Variants in KHDC4 observed in about 807,000 individuals in gnomAD.
KHDC4 encodes the protein KH homology domain-containing protein 4.
Under a neutral mutation model 74.5 loss-of-function variants are expected in KHDC4, and 19 were observed. The observed-to-expected ratio is 0.26, with a 90% confidence interval of 0.18 to 0.37. The LOEUF (loss-of-function observed/expected upper bound fraction) is 0.37. KHDC4 is among the 10% of genes least tolerant of loss of function. KHDC4 has a pLI of 1.00. For synonymous variants in KHDC4, 253 were observed against 266.1 expected (o/e 0.95, Z 0.48); for missense variants, 632 against 754.1 (o/e 0.84, Z 1.90).
At chr1:155,921,957 G>GGCTGTCCC in intron 8 of KHDC4, 39 bp from the exon 9 acceptor site, 1 of 1,341,936 alleles carries the variant, frequency 7.5e-7, no homozygotes, top group Non-Finnish European at 1.1e-6. Flanking sequence ...TGGGACAGCC[G>GGCTGTCCC]AAGCTGTGCA....
Position 155,920,910 on chromosome 1 carries a change from T to C in KHDC4, c.1266+465A>G, listed in dbSNP as rs143662288. Among the ~76,000 whole-genome samples the C allele has an allele frequency of 4.5e-3, 686 of 152,276 alleles. 8 individuals carry two copies. The highest frequency in any genetic ancestry group is 0.015 in the African/African-American group (642 of 41,540). On this transcript the variant is annotated intron_variant, in intron 10 of 13. Transcript: ENST00000368321. ...CTTTGTTAACACTGCAAAGGTAAGG[T>C]TAGGCAAACAATGGCCAAGGGTATG...
At chr1:155,922,145 CTTTTTTTTT>C in intron 8 of KHDC4, 2 of 186,444 alleles carry the variant, frequency 1.1e-5, no homozygotes, top group Non-Finnish European at 2.0e-5. Context: ...CACTGCAAAT[CTTTTTTTTT>C]TTTTTTTTTT....
At chr1:155,927,919 A>C (rs1408500417) in intron 4 of KHDC4, among the ~76,000 whole-genome samples, 1 of 151,070 alleles carries the variant, frequency 6.6e-6, no homozygotes, top group African/African-American at 2.4e-5. Context: ...GAAACCTCTT[A>C]AGGTCTACAT....
chr1:155,926,621 C>A, intron 6 of KHDC4, 55 bp downstream of exon 6: 1 of 1,569,186 alleles, frequency 6.4e-7, no homozygotes, highest in Non-Finnish European at 8.8e-7. Flanking sequence ...CTGGCCAGCA[C>A]ATATCATTTT....
chr1:155,917,549 A>G lies in KHDC4; in HGVS notation c.1390T>C (p.Phe464Leu), dbSNP rs1673757836. The G allele has an allele frequency of 7.0e-7, 1 of 1,431,786 alleles. No homozygotes were observed. Among genetic ancestry groups the G allele is most frequent in the Admixed American group, 1.9e-5 (1 of 52,528 alleles). The allele number at this position is 1,431,786 out of a possible 1,614,324, so 88.7% of individuals were successfully genotyped here. Residue 464 changes from phenylalanine to leucine, a missense_variant, in exon 11 of 14, where the codon TTC becomes CTC. Physicochemically the swap from Phe to Leu is conservative, Grantham distance 22. This residue lies in a region of KHDC4 where 254 missense variants were observed against 267.4 expected (regional missense o/e 0.95). Transcript: ENST00000368321. Reference protein sequence around the residue: ...PSQPQAQKRRFTEELPDERES... With the variant: ...PSQPQAQKRRLTEELPDERES... The stretch of plus-strand genomic sequence containing the variant: ...CGTTCATCTGGTAGCTCCTCTGTGA[A>G]TCGTCTCTTCTGTGCCTGGGGCTGA...
chr1:155,933,854 A>T lies in KHDC4; in HGVS notation c.39-5T>A. On this transcript the variant is annotated splice_polypyrimidine_tract_variant and splice_region_variant and intron_variant, in intron 1 of 13. Coordinates refer to ENST00000368321, the MANE Select transcript of KHDC4 (RefSeq NM_014949.4). The stretch of plus-strand genomic sequence containing the variant: ...TGGTCCCATTTGCTGCGGCGCCTAC[A>T]TGGAGAAAAAGGAAAACATTAGGCC... The T allele has an allele frequency of 6.6e-7, 1 of 1,526,248 alleles. No homozygotes were observed. The allele number at this position is 1,526,248 out of a possible 1,614,324, so 94.5% of individuals were successfully genotyped here. A position where few individuals can be genotyped will look rare whatever the true frequency, so the allele number is the denominator to read the frequency against.
At chr1:155,928,335 T>C (rs1316755382) in intron 4 of KHDC4, among the ~76,000 whole-genome samples, 2 of 151,426 alleles carry the variant, frequency 1.3e-5, no homozygotes, top group East Asian at 2.0e-4. Context: ...GATGGCGCCA[T>C]TGCACTCCAG....
At chr1:155,933,482 C>T in intron 2 of KHDC4, 151 bp downstream of exon 2, 1 of 542,570 alleles carries the variant, frequency 1.8e-6, no homozygotes, top group Non-Finnish European at 3.2e-6. Context: ...GACGGGGTTT[C>T]ACCATGTTGG....
chr1:155,927,537 G>A (rs1294503429), intron 4 of KHDC4, among the ~76,000 whole-genome samples: 1 of 152,038 alleles, frequency 6.6e-6, no homozygotes, highest in Non-Finnish European at 1.5e-5. Context: ...GGGTGCTGTG[G>A]CTCATGTCTG....
intron 10 of KHDC4, 109 bp from the exon 11 acceptor site, chr1:155,917,781 G>A (rs977454443): frequency 1.1e-6 from 1 of 912,120 alleles, no homozygotes; most frequent in Non-Finnish European, 1.6e-6. Flanking sequence ...TATGAATTTT[G>A]CATCTTCAGG....
At position 155,916,108 on chromosome 1, in the gene KHDC4, G is replaced by A. The variant is rs148754149; in HGVS notation, c.1554-144C>T. On this transcript the variant is annotated intron_variant, in intron 12 of 13. Coordinates refer to ENST00000368321, the MANE Select transcript of KHDC4 (RefSeq NM_014949.4). ...TTTCAACCCCTTCCACCTTCCCCCA[G>A]CCCCTTTATAAAAGTATAAGGCCTG... 5.2e-4 allele frequency: 316 copies of A among 605,276 alleles called. 2 individuals carry two copies. The highest frequency in any genetic ancestry group is 3.8e-3 in the African/African-American group (194 of 51,532). The allele number at this position is 605,276 out of a possible 1,614,324, so 37.5% of individuals were successfully genotyped here.
Position 155,916,679 on chromosome 1 carries a change from T to C in KHDC4, c.1499A>G (p.Glu500Gly). 1 of 1,614,028 alleles carries C rather than the reference T, an allele frequency of 6.2e-7. No individual in the cohort carries two copies. The highest frequency in any genetic ancestry group is 8.5e-7 in the Non-Finnish European group (1 of 1,180,010). ...GTGFSSQNEI[E>G]GAGSKPASSS... ...ACTTGCTGGCTTCGATCCTGCACCTTCAATCTCATTCTGACTGGAGAAGCC... is the reference window on the plus strand; with the variant it reads ...ACTTGCTGGCTTCGATCCTGCACCTCCAATCTCATTCTGACTGGAGAAGCC... Residue 500 changes from glutamate (E) to glycine (G), a missense_variant, in exon 12 of 14, where the codon GAA (glutamate) becomes GGA (glycine). Around this residue, in one of 4 missense-constraint regions of KHDC4, gnomAD observed 254 missense variants for 267.4 expected, o/e 0.95. Coordinates refer to ENST00000368321, the MANE Select transcript of KHDC4 (RefSeq NM_014949.4).
intron 7 of KHDC4, among the ~76,000 whole-genome samples, chr1:155,925,318 AC>A (rs1673965366): frequency 6.6e-6 from 1 of 151,972 alleles, no homozygotes; most frequent in Non-Finnish European, 1.5e-5. Flanking sequence ...GGTGTGAGCC[AC>A]CGTGCCCGCC....
At chr1:155,931,977 C>T (rs1016211668) in intron 2 of KHDC4, among the ~76,000 whole-genome samples, 3 of 152,130 alleles carry the variant, frequency 2.0e-5, no homozygotes, top group Non-Finnish European at 4.4e-5. Context: ...AATATGGTAG[C>T]CATTAGCCAC....
In KHDC4 at chr1:155,921,357, C is replaced by T; in HGVS notation, c.1266+18G>A. The stretch of plus-strand genomic sequence containing the variant: ...TCCTAAATTCAGTAATATGTTGTTG[C>T]ATATCCTGACATCCTACCTGTCCAG... On this transcript the variant is annotated intron_variant, in intron 10 of 13. Coordinates refer to ENST00000368321, the MANE Select transcript of KHDC4 (RefSeq NM_014949.4). 3 of 1,612,112 alleles carry T rather than the reference C, an allele frequency of 1.9e-6. No homozygotes were observed. The highest frequency in any genetic ancestry group is 2.5e-6 in the Non-Finnish European group (3 of 1,178,328).
intron 7 of KHDC4, among the ~76,000 whole-genome samples, chr1:155,924,149 C>G (rs1673930733): frequency 6.6e-6 from 1 of 152,082 alleles, no homozygotes; most frequent in Non-Finnish European, 1.5e-5. Flanking sequence ...AACCCCATCT[C>G]TACTAAAAAT....
Position 155,926,730 on chromosome 1 carries a change from T to C in KHDC4, c.627A>G (p.Ala209=). The change falls in exon 6 of 14, where the codon GCA becomes GCG. Residue 209 remains alanine (A), a synonymous_variant. Transcript: ENST00000368321. Reference sequence around the variant, plus strand: ...CAGCTGGAGACAACTGAGCGATGGGTGCTGGCTGGTGATAGACAGTTACTG... The same window carrying C: ...CAGCTGGAGACAACTGAGCGATGGGCGCTGGCTGGTGATAGACAGTTACTG... ...GATVTVYHQP[A]PIAQLSPAVS... 6.2e-7 allele frequency: 1 copy of C among 1,614,132 alleles called. No individual in the cohort carries two copies. The highest frequency in any genetic ancestry group is 8.5e-7 in the Non-Finnish European group (1 of 1,180,032).
intron 2 of KHDC4, among the ~76,000 whole-genome samples, chr1:155,931,282 T>A (rs1198891603): frequency 7.6e-5 from 8 of 105,648 alleles, no homozygotes; most frequent in Non-Finnish European, 9.3e-5. Context: ...AAAGCAAGAC[T>A]CTATCACCAA....
intron 12 of KHDC4, 76 bp from the exon 13 acceptor site, chr1:155,916,040 A>G: frequency 1.2e-6 from 1 of 865,424 alleles, no homozygotes; most frequent in Non-Finnish European, 1.9e-6. Flanking sequence ...TAGAAGTGCA[A>G]TTATGTCTGC....
Sources: allele counts gnomAD v4.1 joint callset (sites outside exome capture counted in the v4.1 genomes callset), GRCh38; gene constraint gnomAD v4.1.1; regional missense constraint gnomAD v4.1.1; transcripts MANE v1.5; gene names NCBI Gene and HGNC (gene_info 2026-07-23, HGNC 2026-07-21).